Variants in ABTB2 observed in about 807,000 individuals in gnomAD.
The protein encoded by ABTB2 is ankyrin repeat and BTB/POZ domain-containing protein 2.
A neutral mutation model predicts 104.1 loss-of-function variants in ABTB2; 56 were observed. The observed-to-expected ratio is 0.54, with a 90% CI of 0.43 to 0.67. The LOEUF is 0.67. Among genes scored for constraint, ABTB2 ranks in the 30% least tolerant of loss-of-function variants. ABTB2 has a pLI of 0.00. For synonymous variants in ABTB2, 606 were observed against 608.2 expected (o/e 1.00, Z 0.05); for missense variants, 1,279 against 1,407.7 (o/e 0.91, Z 1.46).
chr11:34,352,972 G>A (rs1178203562), intron 1 of ABTB2, among the ~76,000 whole-genome samples: 1 of 152,158 alleles, frequency 6.6e-6, no homozygotes, highest in Non-Finnish European at 1.5e-5. Flanking sequence ...GAGGCAGGAG[G>A]AACCCTTAGA....
At position 34,152,193 on chromosome 11, in the gene ABTB2, C is replaced by CCAT. The variant is rs1852551816; in HGVS notation, c.*191_*193dup. On this transcript the variant is annotated 3_prime_UTR_variant, in exon 17 of 17. Coordinates refer to ENST00000435224, the MANE Select transcript of ABTB2 (RefSeq NM_145804.3). ...CCAGTTAGCTACATCTCCCCTTTGCCCATCAGTGATTGAACAAACAGCTCT... is the reference window on the plus strand; with the variant it reads ...CCAGTTAGCTACATCTCCCCTTTGCCCATCATCAGTGATTGAACAAACAGCTCT... 1.6e-6 allele frequency: 1 copy of CCAT among 630,704 alleles called. No individual in the cohort carries two copies. 39.1% of individuals were successfully genotyped at this position (630,704 alleles called of 1,614,324 possible).
At chr11:34,308,728 G>C (rs550151998) in intron 1 of ABTB2, among the ~76,000 whole-genome samples, 50 of 151,890 alleles carry the variant, frequency 3.3e-4, no homozygotes, top group Non-Finnish European at 7.1e-4. Flanking sequence ...AAATTAGCTG[G>C]GCGTGGGTGG....
At chr11:34,254,022 G>A (rs1854089138) in intron 1 of ABTB2, among the ~76,000 whole-genome samples, 1 of 152,132 alleles carries the variant, frequency 6.6e-6, no homozygotes, top group African/African-American at 2.4e-5. Context: ...CAGTGGCAGT[G>A]TAACAGTACC....
In ABTB2 at chr11:34,231,310, G is replaced by C. The variant is rs551342616; in HGVS notation, c.884-26620C>G. Among the ~76,000 whole-genome samples the C allele has an allele frequency of 3.3e-5, 5 of 152,122 alleles. No homozygotes were observed. The East Asian group carries it at 9.7e-4, about 29-fold the overall frequency. On this transcript the variant is annotated intron_variant, in intron 1 of 16. Coordinates refer to ENST00000435224, the MANE Select transcript of ABTB2 (RefSeq NM_145804.3). ...GCTTACTGATTGAAAAAATAACTAG[G>C]GGAGAATAAACCAATCAATCTTCCA...
intron 1 of ABTB2, among the ~76,000 whole-genome samples, chr11:34,327,095 AC>A (rs1437817120): frequency 9.8e-5 from 15 of 152,360 alleles, no homozygotes; most frequent in African/African-American, 3.1e-4. Context: ...TAAGAAAAAA[AC>A]ATACCAGTTA....
At chr11:34,244,674 C>T (rs1853963450) in intron 1 of ABTB2, among the ~76,000 whole-genome samples, 1 of 152,180 alleles carries the variant, frequency 6.6e-6, no homozygotes, top group Non-Finnish European at 1.5e-5. Flanking sequence ...TGACTTTGGG[C>T]ACTTTGCTTA....
intron 5 of ABTB2, among the ~76,000 whole-genome samples, chr11:34,169,756 G>A (rs949717656): frequency 4.0e-5 from 6 of 151,520 alleles, no homozygotes; most frequent in South Asian, 4.2e-4. Flanking sequence ...CTGGGTCCAC[G>A]CCCTGACTGC....
intron 1 of ABTB2, among the ~76,000 whole-genome samples, chr11:34,341,963 G>T (rs1029960615): frequency 6.6e-6 from 1 of 152,136 alleles, no homozygotes; most frequent in African/African-American, 2.4e-5. Context: ...ACTTAGGAAA[G>T]GTTGCCACAT....
chr11:34,269,043 A>G (rs891519947), intron 1 of ABTB2, among the ~76,000 whole-genome samples: 1 of 152,254 alleles, frequency 6.6e-6, no homozygotes, highest in Non-Finnish European at 1.5e-5. Flanking sequence ...CAGCCTTATC[A>G]GAACAGCAGT....
chr11:34,151,365 G>C lies in ABTB2; in HGVS notation c.*1022C>G, dbSNP rs1185070763. 6.6e-6 allele frequency: 1 copy of C among 152,246 alleles called. No homozygotes were observed. Among genetic ancestry groups the C allele is most frequent in the East Asian group, 1.9e-4 (1 of 5,192 alleles). 9.4% of individuals were successfully genotyped at this position (152,246 alleles called of 1,614,324 possible). A position where few individuals can be genotyped will look rare whatever the true frequency, so the allele number is the denominator to read the frequency against. On this transcript the variant is annotated 3_prime_UTR_variant, in exon 17 of 17. Transcript: ENST00000435224. ...GAATTCGAGGGCAAGGCCGTGAGGG[G>C]ACACAGCAGAAAGGCCTCTTCTCCT...
chr11:34,336,861 C>G (rs16925440), intron 1 of ABTB2, among the ~76,000 whole-genome samples: 23,930 of 152,070 alleles, frequency 0.16, 2,114 homozygotes, highest in Middle Eastern at 0.26. Flanking sequence ...GGGAGACTCA[C>G]ACACCAGGTC....
intron 1 of ABTB2, among the ~76,000 whole-genome samples, chr11:34,282,962 G>A (rs545029632): frequency 2.0e-4 from 30 of 151,554 alleles, no homozygotes; most frequent in Admixed American, 7.9e-4. Context: ...AGGCTGGAGT[G>A]CAGTGGCACG....
At chr11:34,268,076 G>A (rs1374723144) in intron 1 of ABTB2, among the ~76,000 whole-genome samples, 2 of 152,012 alleles carry the variant, frequency 1.3e-5, no homozygotes, top group Non-Finnish European at 2.9e-5. Flanking sequence ...GACTATAGGC[G>A]CCAGCCACCA....
At chr11:34,355,200 T>C (rs780484393) in intron 1 of ABTB2, among the ~76,000 whole-genome samples, 1 of 152,216 alleles carries the variant, frequency 6.6e-6, no homozygotes, top group Non-Finnish European at 1.5e-5. Flanking sequence ...ACATGTCAAC[T>C]GTTCTCGAAA....
rs529515126 is a variant in ABTB2 at position 34,230,634 on chromosome 11, G to C, written c.884-25944C>G. Among the ~76,000 whole-genome samples the C allele has an allele frequency of 4.6e-5, 7 of 152,238 alleles. No homozygotes were observed. The South Asian group carries it at 1.5e-3, about 32-fold the overall frequency. Reference sequence around the variant, plus strand: ...AGCATCTGTGGTCATTTATTTGACTGTTTATAATACCCTCCCACCAGACAG... The same window carrying C: ...AGCATCTGTGGTCATTTATTTGACTCTTTATAATACCCTCCCACCAGACAG... On this transcript the variant is annotated intron_variant, in intron 1 of 16. Transcript: ENST00000435224.
In ABTB2 at chr11:34,154,384, A is replaced by AGG. The variant is rs1329243928; in HGVS notation, c.2767-8_2767-7dup. ...AGGCTGGCAGCTGACAGCAGCTGGT[A>AGG]GGGAGGCAGAGCAGGTCTTGGGGAC... On this transcript the variant is annotated splice_polypyrimidine_tract_variant and splice_region_variant and intron_variant, in intron 15 of 16. Coordinates refer to ENST00000435224, the MANE Select transcript of ABTB2 (RefSeq NM_145804.3). The surrounding 1 kb of genome is among the most constrained non-coding windows in gnomAD (Gnocchi z 4.9). 1.9e-6 allele frequency: 3 copies of AGG among 1,605,144 alleles called. No homozygotes were observed. Among genetic ancestry groups the AGG allele is most frequent in the Non-Finnish European group, 2.6e-6 (3 of 1,174,252 alleles).
intron 2 of ABTB2, among the ~76,000 whole-genome samples, chr11:34,200,358 A>T (rs1429894705): frequency 1.3e-5 from 2 of 152,226 alleles, no homozygotes; most frequent in Non-Finnish European, 2.9e-5. Flanking sequence ...AAGAAAATCA[A>T]GAAAGAAATG....
chr11:34,316,036 AAC>A (rs1371102159), intron 1 of ABTB2, among the ~76,000 whole-genome samples: 1 of 152,246 alleles, frequency 6.6e-6, no homozygotes, highest in East Asian at 1.9e-4. Flanking sequence ...TGTTTTATCC[AAC>A]ACTTGACAAG....
chr11:34,196,386 T>C (rs1395994950), intron 3 of ABTB2, among the ~76,000 whole-genome samples: 1 of 152,086 alleles, frequency 6.6e-6, no homozygotes, highest in Non-Finnish European at 1.5e-5. Context: ...ACCCCGTCTC[T>C]ACTAAAAATA....
Sources: allele counts gnomAD v4.1 joint callset (sites outside exome capture counted in the v4.1 genomes callset), GRCh38; gene constraint gnomAD v4.1.1; non-coding constraint Gnocchi (gnomAD v3.1); transcripts MANE v1.5; gene names NCBI Gene and HGNC (gene_info 2026-07-23, HGNC 2026-07-21).